USP34: variants seen among roughly 807,000 people sequenced by gnomAD.
USP34 encodes the protein ubiquitin carboxyl-terminal hydrolase 34.
USP34 carries 70 observed loss-of-function variants against 460.3 expected under a neutral mutation model. The observed-to-expected ratio is 0.15, with a 90% CI of 0.13 to 0.19. The LOEUF (loss-of-function observed/expected upper bound fraction) is 0.19. Among genes scored for constraint, USP34 ranks in the 10% least tolerant of loss-of-function variants. USP34 has a pLI of 1.00. For missense variants in USP34, 3,985 were observed against 4,236.2 expected (o/e 0.94, Z 1.65); for synonymous variants, 1,647 against 1,405.3 (o/e 1.17, Z -3.85).
chr2:61,445,086 C>T (rs567725861), intron 1 of USP34, among the ~76,000 whole-genome samples: 1 of 151,854 alleles, frequency 6.6e-6, no homozygotes, highest in South Asian at 2.1e-4. Context: ...CATTATCCTA[C>T]TTCAGTGTTA....
intron 1 of USP34, among the ~76,000 whole-genome samples, chr2:61,462,090 T>G (rs1415735465): frequency 6.6e-6 from 1 of 150,658 alleles, no homozygotes; most frequent in African/African-American, 2.4e-5. Flanking sequence ...GTAACAAAAA[T>G]TAGTCAGGCA....
At chr2:61,221,841 G>C (rs1224283227) in intron 65 of USP34, 2 of 357,986 alleles carry the variant, frequency 5.6e-6, no homozygotes, top group South Asian at 8.2e-5. Context: ...AGAGTATTTT[G>C]GAAAAGATAA....
rs771680908 is a variant in USP34, at chr2:61,370,465, T to A, written c.1158+33A>T. ...TTTTAAAAATATTCTTCTCTATCAATAGAACAGAGAAGTTATGTAATCATC... is the reference window on the plus strand; with the variant it reads ...TTTTAAAAATATTCTTCTCTATCAAAAGAACAGAGAAGTTATGTAATCATC... On this transcript the variant is annotated intron_variant, in intron 9 of 79. Transcript: ENST00000398571. 3 of 1,610,722 alleles carry A rather than the reference T, an allele frequency of 1.9e-6. No individual in the cohort carries two copies. In the Admixed American group the frequency reaches 5.0e-5, roughly 27 times the overall value.
At chr2:61,271,066 C>G (rs1213303250) in intron 41 of USP34, among the ~76,000 whole-genome samples, 3 of 152,034 alleles carry the variant, frequency 2.0e-5, no homozygotes, top group African/African-American at 4.8e-5. Context: ...GGCGGATCAT[C>G]TGAGGTCAGG....
At chr2:61,241,871 C>T (rs1415140709) in intron 51 of USP34, 52 bp from the exon 52 acceptor site, 1 of 922,638 alleles carries the variant, frequency 1.1e-6, no homozygotes, top group Non-Finnish European at 1.6e-6. Flanking sequence ...GTATACTCAG[C>T]TATATTTATA....
chr2:61,389,532 A>G (rs1025070863), intron 5 of USP34, among the ~76,000 whole-genome samples: 1 of 152,196 alleles, frequency 6.6e-6, no homozygotes, highest in Admixed American at 6.5e-5. Flanking sequence ...CCATTTACTA[A>G]GTCCTTAATA....
intron 41 of USP34, among the ~76,000 whole-genome samples, chr2:61,266,413 A>G (rs979187681): frequency 6.6e-6 from 1 of 152,126 alleles, no homozygotes; most frequent in Admixed American, 6.5e-5. Context: ...TTCACGTACA[A>G]TGTTGTTATT....
At chr2:61,327,683 C>T (rs919176836) in intron 20 of USP34, among the ~76,000 whole-genome samples, 4 of 152,118 alleles carry the variant, frequency 2.6e-5, no homozygotes, top group Non-Finnish European at 5.9e-5. Context: ...TGGGTCTAGT[C>T]CCTTTGTACT....
At chr2:61,357,719 G>A (rs1049119195) in intron 10 of USP34, among the ~76,000 whole-genome samples, 9 of 152,166 alleles carry the variant, frequency 5.9e-5, no homozygotes, top group Admixed American at 2.6e-4. Context: ...TGAGCAACAC[G>A]GTGAAATCCT....
At chr2:61,324,902 C>G (rs1417450958) in intron 21 of USP34, among the ~76,000 whole-genome samples, 1 of 152,128 alleles carries the variant, frequency 6.6e-6, no homozygotes, top group Non-Finnish European at 1.5e-5. Context: ...AGAATAATCA[C>G]TGCAGCAGCC....
At chr2:61,238,075 T>C (rs1688124102) in intron 53 of USP34, among the ~76,000 whole-genome samples, 1 of 151,950 alleles carries the variant, frequency 6.6e-6, no homozygotes, top group Non-Finnish European at 1.5e-5. Context: ...TTTGTATTTT[T>C]AGTAGAGAGG....
Position 61,314,910 on chromosome 2 carries a change from G to C in USP34, c.3347C>G (p.Ala1116Gly). The change falls in exon 24 of 80, where the codon GCA becomes GGA. Residue 1116 changes from alanine to glycine, a missense_variant. Ala to Gly is a moderately conservative substitution (Grantham distance 60). Around this residue, in one of 14 missense-constraint regions of USP34, gnomAD observed 1,114 missense variants for 1,122.5 expected, o/e 0.99. Transcript: ENST00000398571. The part of the protein sequence containing the change: ...LRAQSGDVSR[A>G]AIQYINSYYI... ...ATAGGAGTTAATATACTGGATAGCT[G>C]CTCGACTGACATCACCAGATTGTGC... 1 of 1,613,816 alleles carries C rather than the reference G, an allele frequency of 6.2e-7. No homozygotes were observed. The highest frequency in any genetic ancestry group is 8.5e-7 in the Non-Finnish European group (1 of 1,179,886).
chr2:61,280,007 A>C (rs2103954389), intron 39 of USP34, among the ~76,000 whole-genome samples: 1 of 152,338 alleles, frequency 6.6e-6, no homozygotes, highest in East Asian at 1.9e-4. Context: ...CTTACTGAGA[A>C]GAGACAGGAA....
chr2:61,412,204 A>AG (rs1694060906), intron 2 of USP34, among the ~76,000 whole-genome samples: 1 of 150,908 alleles, frequency 6.6e-6, no homozygotes, highest in Non-Finnish European at 1.5e-5. Flanking sequence ...AAAAAAAAAA[A>AG]AAAGAAAAGG....
intron 18 of USP34, among the ~76,000 whole-genome samples, chr2:61,337,747 C>T (rs967290331): frequency 6.6e-6 from 1 of 152,158 alleles, no homozygotes; most frequent in African/African-American, 2.4e-5. Context: ...TTAGCTACTG[C>T]GCCCGGCCTA....
intron 43 of USP34, among the ~76,000 whole-genome samples, chr2:61,263,900 C>A (rs768458945): frequency 6.6e-6 from 1 of 151,802 alleles, no homozygotes; most frequent in Non-Finnish European, 1.5e-5. Flanking sequence ...CTAAAAATAC[C>A]GTTTATGAGA....
chr2:61,421,328 G>C (rs1694349853), intron 1 of USP34, among the ~76,000 whole-genome samples: 1 of 152,198 alleles, frequency 6.6e-6, no homozygotes, highest in Non-Finnish European at 1.5e-5. Context: ...AGTAGCCACA[G>C]AGCATACCTT....
At chr2:61,355,286 A>G (rs1692069316) in intron 10 of USP34, among the ~76,000 whole-genome samples, 1 of 152,230 alleles carries the variant, frequency 6.6e-6, no homozygotes, top group Admixed American at 6.5e-5. Flanking sequence ...GAAATAAGAA[A>G]GATCTCTGAT....
chr2:61,226,334 C>T (rs1426657324), intron 62 of USP34, among the ~76,000 whole-genome samples: 2 of 152,184 alleles, frequency 1.3e-5, no homozygotes, highest in Admixed American at 6.5e-5. Context: ...CTGTGAATGA[C>T]TGCAAAAGCT....
Sources: gnomAD v4.1 joint callset for allele counts (sites outside exome capture counted in the v4.1 genomes callset) on GRCh38, gnomAD v4.1.1 for gene constraint, gnomAD v4.1.1 regional missense constraint, MANE v1.5 for transcripts, NCBI Gene and HGNC (gene_info 2026-07-23, HGNC 2026-07-21) for gene names.